The following MITF variants were observed in gnomAD, a reference collection of about 807,000 sequenced individuals.
The protein encoded by MITF is microphthalmia-associated transcription factor.
MITF carries 17 observed loss-of-function variants against 60.5 expected under a neutral mutation model. The ratio of observed to expected loss-of-function variants is 0.28; its 90% CI spans 0.19 to 0.42. The LOEUF is 0.42. Ranked by LOEUF, MITF falls within the 10% of genes least tolerant of loss-of-function variation. The pLI is 1.00. For synonymous variants in MITF, 260 were observed against 248.5 expected (o/e 1.05, Z -0.43); for missense variants, 622 against 683.5 (o/e 0.91, Z 1.00).
At chr3:69,776,811 G>A (rs2062480753) in intron 1 of MITF, among the ~76,000 whole-genome samples, 1 of 152,128 alleles carries the variant, frequency 6.6e-6, no homozygotes, top group South Asian at 2.1e-4. Context: ...ACTACTCATA[G>A]CAAAGACTTT....
chr3:69,794,875 G>C (rs1403589689), intron 1 of MITF, among the ~76,000 whole-genome samples: 1 of 152,210 alleles, frequency 6.6e-6, no homozygotes, highest in Non-Finnish European at 1.5e-5. Flanking sequence ...GTTCTTTGGT[G>C]ACTAGCTTTT....
intron 1 of MITF, among the ~76,000 whole-genome samples, chr3:69,855,220 C>A: frequency 7.6e-6 from 1 of 130,860 alleles, no homozygotes. Flanking sequence ...TGATCATGCT[C>A]ATTGCATTGC....
chr3:69,757,202 A>G (rs1236484284), intron 1 of MITF, among the ~76,000 whole-genome samples: 3 of 152,156 alleles, frequency 2.0e-5, no homozygotes, highest in African/African-American at 7.2e-5. Flanking sequence ...TTGAGTACCA[A>G]TTAAAGGAAT....
chr3:69,912,630 GATC>G (rs1156377768), intron 2 of MITF, among the ~76,000 whole-genome samples: 1 of 152,180 alleles, frequency 6.6e-6, no homozygotes, highest in African/African-American at 2.4e-5. Flanking sequence ...AAGAAAGTAT[GATC>G]ATCATTCTAT....
rs2066484173 is a variant in MITF, at chr3:69,959,375, G to A, written c.1134G>A (p.Gln378=). Residue 378 remains glutamine, a synonymous_variant, in exon 9 of 10, where the codon CAG becomes CAA. Coordinates refer to ENST00000352241, the MANE Select transcript of MITF (RefSeq NM_001354604.2). Reference sequence around the variant, plus strand: ...GCGCAAAAGAACTTGAAAACCGACAGAAGAAACTGGAGCACGCCAACCGGC... The same window carrying A: ...GCGCAAAAGAACTTGAAAACCGACAAAAGAAACTGGAGCACGCCAACCGGC... ...QQRAKELENR[Q]KKLEHANRHL... 1 of 1,613,936 alleles carries A rather than the reference G, an allele frequency of 6.2e-7. No homozygotes were observed. The highest frequency in any genetic ancestry group is 8.5e-7 in the Non-Finnish European group (1 of 1,179,906).
chr3:69,934,524 T>G (rs1430044114), intron 2 of MITF, among the ~76,000 whole-genome samples: 1 of 152,218 alleles, frequency 6.6e-6, no homozygotes, highest in Non-Finnish European at 1.5e-5. Flanking sequence ...TCTCATTTAA[T>G]GCAGAAAACA....
chr3:69,876,963 G>A (rs2064368015), intron 1 of MITF, among the ~76,000 whole-genome samples: 1 of 152,106 alleles, frequency 6.6e-6, no homozygotes, highest in South Asian at 2.1e-4. Context: ...AAATTTACCT[G>A]TAGTTCTATT....
At chr3:69,756,369 T>G (rs1176750583) in intron 1 of MITF, among the ~76,000 whole-genome samples, 1 of 152,120 alleles carries the variant, frequency 6.6e-6, no homozygotes, top group Non-Finnish European at 1.5e-5. Context: ...CACTTATGAG[T>G]GAGAACATGC....
At chr3:69,787,761 T>C (rs1205170028) in intron 1 of MITF, among the ~76,000 whole-genome samples, 1 of 152,196 alleles carries the variant, frequency 6.6e-6, no homozygotes. Flanking sequence ...CATAAAAGAT[T>C]CCTGTTTTCA....
At chr3:69,821,468 A>G (rs2063270377) in intron 1 of MITF, among the ~76,000 whole-genome samples, 1 of 152,082 alleles carries the variant, frequency 6.6e-6, no homozygotes, top group Non-Finnish European at 1.5e-5. Context: ...ATGGAAAACA[A>G]TGAGAGATGG....
At chr3:69,937,721 G>T in intron 2 of MITF, 101 bp from the exon 3 acceptor site, 1 of 937,140 alleles carries the variant, frequency 1.1e-6, no homozygotes, top group East Asian at 2.6e-5. Flanking sequence ...AATTTATTCT[G>T]TTGGTGGCCT....
chr3:69,963,729 A>G (rs991025569), intron 9 of MITF, among the ~76,000 whole-genome samples: 8 of 152,164 alleles, frequency 5.3e-5, no homozygotes, highest in Admixed American at 1.3e-4. Flanking sequence ...AACTGCCAAA[A>G]GCTCAACTTT....
At chr3:69,891,981 G>T (rs1482571324) in intron 2 of MITF, among the ~76,000 whole-genome samples, 1 of 152,204 alleles carries the variant, frequency 6.6e-6, no homozygotes, top group Non-Finnish European at 1.5e-5. Context: ...ACTCTAAAAT[G>T]ACTTGCTTTA....
intron 6 of MITF, among the ~76,000 whole-genome samples, chr3:69,949,998 G>A (rs2066202322): frequency 6.6e-6 from 1 of 152,088 alleles, no homozygotes; most frequent in East Asian, 1.9e-4. Flanking sequence ...TAGAAAATAA[G>A]CAGGAGAAAG....
At chr3:69,802,388 C>T (rs1241827404) in intron 1 of MITF, among the ~76,000 whole-genome samples, 5 of 152,134 alleles carry the variant, frequency 3.3e-5, no homozygotes, top group African/African-American at 9.7e-5. Context: ...CTGATTCGTG[C>T]GTTTAGATGT....
chr3:69,849,157 G>T (rs368720145), intron 1 of MITF, among the ~76,000 whole-genome samples: 12 of 151,298 alleles, frequency 7.9e-5, no homozygotes, highest in African/African-American at 2.9e-4. Flanking sequence ...GTAGAGACGG[G>T]GTTTCACCAT....
At chr3:69,915,602 A>G (rs1227559855) in intron 2 of MITF, among the ~76,000 whole-genome samples, 1 of 152,142 alleles carries the variant, frequency 6.6e-6, no homozygotes, top group Non-Finnish European at 1.5e-5. Flanking sequence ...AGAGTTTTTA[A>G]TAGCTAGCAA....
At chr3:69,889,328 T>A (rs904218492) in intron 2 of MITF, among the ~76,000 whole-genome samples, 1 of 151,930 alleles carries the variant, frequency 6.6e-6, no homozygotes, top group Non-Finnish European at 1.5e-5. Context: ...CTGTTCTCTC[T>A]GGGTCTCAGT....
intron 1 of MITF, among the ~76,000 whole-genome samples, chr3:69,782,137 G>C (rs534420725): frequency 6.6e-6 from 1 of 152,222 alleles, no homozygotes; most frequent in South Asian, 2.1e-4. Context: ...CACAGCCTGA[G>C]TGGCTGTACA....
Sources: allele counts gnomAD v4.1 joint callset (sites outside exome capture counted in the v4.1 genomes callset), GRCh38; gene constraint gnomAD v4.1.1; transcripts MANE v1.5; gene names NCBI Gene and HGNC (gene_info 2026-07-23, HGNC 2026-07-21).